The following RGL1 variants were observed in gnomAD, a reference collection of about 807,000 sequenced individuals.
RGL1 encodes the protein ral guanine nucleotide dissociation stimulator like 1.
A neutral mutation model predicts 95.2 loss-of-function variants in RGL1; 24 were observed. The observed-to-expected ratio is 0.25, with a 90% CI of 0.18 to 0.35. The LOEUF is 0.35. Among genes scored for constraint, RGL1 ranks in the 10% least tolerant of loss-of-function variants. The pLI is 1.00. For missense variants in RGL1, 715 were observed against 936.3 expected, an observed-to-expected ratio of 0.76 and a Z score of 3.08; for synonymous variants, 329 against 344.9, an observed-to-expected ratio of 0.95 and a Z score of 0.51.
At chr1:183,781,387 C>T (rs1369040759) in intron 2 of RGL1, among the ~76,000 whole-genome samples, 1 of 152,102 alleles carries the variant, frequency 6.6e-6, no homozygotes, top group Admixed American at 6.6e-5. Flanking sequence ...GCCACATACC[C>T]AGTTGCTATT....
At chr1:183,748,221 T>C (rs1187101792) in intron 2 of RGL1, among the ~76,000 whole-genome samples, 1 of 151,996 alleles carries the variant, frequency 6.6e-6, no homozygotes, top group Non-Finnish European at 1.5e-5. Flanking sequence ...TCTCTTTTCG[T>C]CTTTATTAGT....
intron 8 of RGL1, among the ~76,000 whole-genome samples, chr1:183,891,873 G>A (rs3814329): frequency 0.18 from 27,676 of 150,386 alleles, 2,759 homozygotes; most frequent in Non-Finnish European, 0.22. Context: ...TCTCTCCACA[G>A]GGGTGGCCAA....
At chr1:183,867,611 A>T (rs1665915717) in intron 4 of RGL1, among the ~76,000 whole-genome samples, 1 of 151,868 alleles carries the variant, frequency 6.6e-6, no homozygotes, top group East Asian at 1.9e-4. Context: ...AGAGAAATGG[A>T]TGGAAGATGG....
At chr1:183,872,978 C>T (rs1413586990) in intron 4 of RGL1, among the ~76,000 whole-genome samples, 1 of 152,116 alleles carries the variant, frequency 6.6e-6, no homozygotes, top group Non-Finnish European at 1.5e-5. Context: ...ATCGAAGAGT[C>T]TGGTATTGTC....
chr1:183,785,204 C>T (rs749949032), intron 2 of RGL1, among the ~76,000 whole-genome samples: 1 of 152,206 alleles, frequency 6.6e-6, no homozygotes, highest in Non-Finnish European at 1.5e-5. Context: ...ATGGCCCCCA[C>T]CCTCTTTGTC....
At chr1:183,730,818 G>A (rs1267131535) in intron 1 of RGL1, among the ~76,000 whole-genome samples, 1 of 152,066 alleles carries the variant, frequency 6.6e-6, no homozygotes, top group African/African-American at 2.4e-5. Flanking sequence ...TTATTTCTCA[G>A]GTAAGACCTC....
intron 1 of RGL1, among the ~76,000 whole-genome samples, chr1:183,693,100 G>A (rs921720513): frequency 6.6e-5 from 10 of 151,816 alleles, no homozygotes; most frequent in East Asian, 1.9e-4. Flanking sequence ...GACTGCAGGC[G>A]TGTGCCACCA....
intron 12 of RGL1, among the ~76,000 whole-genome samples, 197 bp from the exon 13 acceptor site, chr1:183,904,653 T>C (rs928522539): frequency 2.0e-5 from 3 of 152,182 alleles, no homozygotes; most frequent in Non-Finnish European, 4.4e-5. Context: ...ACAAGGACTT[T>C]GGAGAGTTCT....
chr1:183,759,211 G>A (rs772243247), intron 2 of RGL1, among the ~76,000 whole-genome samples: 4 of 152,180 alleles, frequency 2.6e-5, no homozygotes, highest in Non-Finnish European at 5.9e-5. Flanking sequence ...CACGATTGTG[G>A]TCATGAGGCA....
At chr1:183,669,786 C>T (rs1228886432) in intron 1 of RGL1, among the ~76,000 whole-genome samples, 1 of 152,138 alleles carries the variant, frequency 6.6e-6, no homozygotes, top group Non-Finnish European at 1.5e-5. Context: ...GCCTCACAAT[C>T]ATGGCAGAAG....
At chr1:183,875,146 TC>T (rs1426432221) in intron 4 of RGL1, among the ~76,000 whole-genome samples, 1 of 152,236 alleles carries the variant, frequency 6.6e-6, no homozygotes, top group Non-Finnish European at 1.5e-5. Context: ...TGTCTTATTT[TC>T]TGCTGATGAT....
chr1:183,878,182 A>G (rs898041259), intron 4 of RGL1, among the ~76,000 whole-genome samples: 3 of 151,454 alleles, frequency 2.0e-5, no homozygotes, highest in African/African-American at 7.3e-5. Flanking sequence ...CTATCTATCT[A>G]TCTATCTATC....
At chr1:183,741,086 CATAG>C (rs768687950) in intron 1 of RGL1, among the ~76,000 whole-genome samples, 1 of 152,052 alleles carries the variant, frequency 6.6e-6, no homozygotes, top group Non-Finnish European at 1.5e-5. Context: ...ATCTGGGGTC[CATAG>C]ATACTTTCAA....
At chr1:183,822,840 G>A (rs1662583629) in intron 2 of RGL1, among the ~76,000 whole-genome samples, 1 of 152,282 alleles carries the variant, frequency 6.6e-6, no homozygotes, top group African/African-American at 2.4e-5. Flanking sequence ...TTTCTGGGGT[G>A]ATTTCCTATG....
intron 2 of RGL1, among the ~76,000 whole-genome samples, chr1:183,761,925 C>T (rs1021026035): frequency 1.1e-4 from 16 of 152,270 alleles, no homozygotes; most frequent in African/African-American, 2.4e-4. Flanking sequence ...ATGAACCAAC[C>T]GCTGCAAGCT....
chr1:183,871,529 G>A (rs1307293149), intron 4 of RGL1, among the ~76,000 whole-genome samples: 1 of 152,174 alleles, frequency 6.6e-6, no homozygotes, highest in Non-Finnish European at 1.5e-5. Context: ...ACCATGAACA[G>A]AAAAATGCCC....
intron 2 of RGL1, among the ~76,000 whole-genome samples, chr1:183,758,168 G>T (rs1370481128): frequency 6.6e-6 from 1 of 151,940 alleles, no homozygotes; most frequent in African/African-American, 2.4e-5. Flanking sequence ...CAATGAAATA[G>T]CACAGACTGG....
intron 17 of RGL1, 88 bp downstream of exon 17, chr1:183,922,424 A>G (rs1669362451): frequency 1.1e-6 from 1 of 940,276 alleles, no homozygotes; most frequent in Admixed American, 2.0e-5. Flanking sequence ...AAGGCAGAAA[A>G]CGGATACGTA....
At chr1:183,676,740 G>A (rs1207466790) in intron 1 of RGL1, among the ~76,000 whole-genome samples, 2 of 142,352 alleles carry the variant, frequency 1.4e-5, no homozygotes, top group African/African-American at 5.1e-5. Flanking sequence ...ACACAGCCCA[G>A]GGGCCTCTGG....
Sources: gnomAD v4.1 joint callset for allele counts (sites outside exome capture counted in the v4.1 genomes callset) on GRCh38, gnomAD v4.1.1 for gene constraint, MANE v1.5 for transcripts, NCBI Gene and HGNC (gene_info 2026-07-23, HGNC 2026-07-21) for gene names.